Variants in RGS7 observed in about 807,000 individuals in gnomAD.
RGS7 encodes regulator of G-protein signaling 7.
In RGS7, 27 loss-of-function variants were observed where a neutral mutation model predicts 81.1. The ratio of observed to expected loss-of-function variants is 0.33; its 90% confidence interval spans 0.25 to 0.46. The LOEUF (loss-of-function observed/expected upper bound fraction) is 0.46, where lower values mean the gene tolerates loss of function less well. RGS7 is among the 20% of genes least tolerant of loss of function. RGS7 has a pLI of 1.00. For missense variants in RGS7, 396 were observed against 607.4 expected (o/e 0.65, Z 3.66); for synonymous variants, 208 against 207.7 (o/e 1.00, Z -0.01).
intron 3 of RGS7, among the ~76,000 whole-genome samples, chr1:241,087,540 C>T (rs1270540320): frequency 6.6e-6 from 1 of 152,138 alleles, no homozygotes; most frequent in Non-Finnish European, 1.5e-5. Context: ...TGGAAGCTTC[C>T]TGTAGTTTAC....
chr1:241,140,550 A>G (rs1291112056), intron 2 of RGS7, among the ~76,000 whole-genome samples: 2 of 152,152 alleles, frequency 1.3e-5, no homozygotes, highest in Non-Finnish European at 2.9e-5. Flanking sequence ...ACTACGGGCA[A>G]GTGCCACCAT....
intron 3 of RGS7, among the ~76,000 whole-genome samples, chr1:241,093,445 A>G (rs778160841): frequency 2.6e-5 from 4 of 152,186 alleles, no homozygotes; most frequent in Non-Finnish European, 5.9e-5. Flanking sequence ...TAGCCCACAA[A>G]ACCCAGTATA....
intron 3 of RGS7, among the ~76,000 whole-genome samples, chr1:241,093,200 C>T (rs936421608): frequency 3.3e-5 from 5 of 151,982 alleles, no homozygotes; most frequent in Non-Finnish European, 7.4e-5. Flanking sequence ...GCTCTAAAGG[C>T]TTTGATACTA....
intron 2 of RGS7, among the ~76,000 whole-genome samples, chr1:241,222,579 G>A (rs144732404): frequency 2.0e-5 from 3 of 152,216 alleles, no homozygotes; most frequent in Admixed American, 6.5e-5. Context: ...TATAATTATC[G>A]TTATTATTAA....
intron 4 of RGS7, among the ~76,000 whole-genome samples, chr1:240,968,501 G>C (rs766922165): frequency 6.6e-6 from 1 of 151,518 alleles, no homozygotes; most frequent in Non-Finnish European, 1.5e-5. Flanking sequence ...AGGAATTCTG[G>C]ATAATTCAAG....
chr1:240,968,212 T>A (rs1244896680), intron 4 of RGS7, among the ~76,000 whole-genome samples: 1 of 152,210 alleles, frequency 6.6e-6, no homozygotes, highest in Admixed American at 6.5e-5. Flanking sequence ...GAGGTGAATG[T>A]CATGTTTGCT....
At chr1:240,917,536 G>C (rs1393649225) in intron 6 of RGS7, among the ~76,000 whole-genome samples, 1 of 152,148 alleles carries the variant, frequency 6.6e-6, no homozygotes, top group Non-Finnish European at 1.5e-5. Flanking sequence ...AGTGTACAGT[G>C]TTACCTAAAA....
intron 3 of RGS7, among the ~76,000 whole-genome samples, chr1:240,999,450 C>T (rs1050292564): frequency 1.3e-5 from 2 of 152,090 alleles, no homozygotes; most frequent in African/African-American, 4.8e-5. Flanking sequence ...CAAAGATGTC[C>T]TGGGCCACAA....
At chr1:241,234,514 A>C (rs2075827107) in intron 2 of RGS7, among the ~76,000 whole-genome samples, 1 of 151,508 alleles carries the variant, frequency 6.6e-6, no homozygotes, top group Non-Finnish European at 1.5e-5. Flanking sequence ...TTGCCAGTTA[A>C]ACCAGATCTG....
chr1:240,888,239 A>G (rs751938819), intron 6 of RGS7, among the ~76,000 whole-genome samples: 7 of 152,208 alleles, frequency 4.6e-5, no homozygotes, highest in Non-Finnish European at 8.8e-5. Context: ...CCATTGCACC[A>G]GGTACGCTTT....
intron 4 of RGS7, among the ~76,000 whole-genome samples, chr1:240,981,374 T>A (rs892131055): frequency 6.6e-6 from 1 of 152,146 alleles, no homozygotes; most frequent in Non-Finnish European, 1.5e-5. Flanking sequence ...CCTCCCAAAG[T>A]GCTGGGATTA....
At chr1:241,343,882 C>CA (rs1191460894) in intron 2 of RGS7, among the ~76,000 whole-genome samples, 11 of 151,188 alleles carry the variant, frequency 7.3e-5, no homozygotes, top group South Asian at 4.2e-4. Flanking sequence ...AATAGAAAAA[C>CA]AAAAAAAAGA....
At chr1:240,852,740 A>C (rs192608050) in intron 9 of RGS7, among the ~76,000 whole-genome samples, 1 of 152,262 alleles carries the variant, frequency 6.6e-6, no homozygotes, top group Non-Finnish European at 1.5e-5. Flanking sequence ...TCCTCTCACA[A>C]TCAAAGGTAA....
intron 9 of RGS7, among the ~76,000 whole-genome samples, chr1:240,833,278 T>C (rs1364249900): frequency 6.6e-6 from 1 of 152,184 alleles, no homozygotes; most frequent in Non-Finnish European, 1.5e-5. Flanking sequence ...GTGACTCATG[T>C]TCCAGGTGGG....
intron 2 of RGS7, among the ~76,000 whole-genome samples, chr1:241,349,898 A>G (rs1170238052): frequency 6.6e-6 from 1 of 152,170 alleles, no homozygotes; most frequent in Non-Finnish European, 1.5e-5. Flanking sequence ...TGTCACCCAC[A>G]CTTCCTAAAA....
intron 3 of RGS7, among the ~76,000 whole-genome samples, chr1:241,040,281 C>G (rs948096490): frequency 1.4e-4 from 22 of 152,176 alleles, no homozygotes; most frequent in African/African-American, 5.3e-4. Context: ...GCTGTAACCA[C>G]TAGACCAAGG....
At chr1:240,972,719 A>C (rs1370540940) in intron 4 of RGS7, among the ~76,000 whole-genome samples, 22 of 115,018 alleles carry the variant, frequency 1.9e-4, no homozygotes, top group African/African-American at 6.6e-4. Context: ...AACAAAAAAA[A>C]AAACCCAAAA....
intron 3 of RGS7, among the ~76,000 whole-genome samples, chr1:241,086,007 C>T (rs2493002): frequency 0.25 from 37,623 of 152,106 alleles, 6,400 homozygotes; most frequent in African/African-American, 0.48. Flanking sequence ...AGCAAGCACA[C>T]AGGAACTGTG....
At chr1:240,813,018 G>A (rs1690145670) in intron 13 of RGS7, among the ~76,000 whole-genome samples, 1 of 152,164 alleles carries the variant, frequency 6.6e-6, no homozygotes, top group African/African-American at 2.4e-5. Flanking sequence ...TGCTAGAAGT[G>A]TGACAGAGCA....
Sources: gnomAD v4.1 joint callset for allele counts (sites outside exome capture counted in the v4.1 genomes callset) on GRCh38, gnomAD v4.1.1 for gene constraint, MANE v1.5 for transcripts, NCBI Gene and HGNC (gene_info 2026-07-23, HGNC 2026-07-21) for gene names.